The following HIP1 variants were observed in gnomAD, a reference collection of about 807,000 sequenced individuals.
HIP1 encodes huntingtin-interacting protein 1.
HIP1 carries 65 observed loss-of-function variants against 147.6 expected under a neutral mutation model. The observed-to-expected ratio is 0.44, with a 90% CI of 0.36 to 0.54. HIP1 has a LOEUF of 0.54. HIP1 is among the 20% of genes least tolerant of loss of function. The pLI is 0.00. For synonymous variants in HIP1, 479 were observed against 504.0 expected (o/e 0.95, Z 0.67); for missense variants, 1,061 against 1,299.6 (o/e 0.82, Z 2.82).
intron 1 of HIP1, chr7:75,639,086 AC>A (rs1242597943): frequency 1.3e-5 from 13 of 982,140 alleles, no homozygotes; most frequent in South Asian, 4.7e-5. Context: ...GCTGCGGGGC[AC>A]CCCCCCACCC....
intron 1 of HIP1, among the ~76,000 whole-genome samples, chr7:75,612,517 A>G (rs1450367416): frequency 2.6e-5 from 4 of 151,638 alleles, no homozygotes; most frequent in African/African-American, 9.7e-5. Context: ...CACAAAAAAA[A>G]TAAAATAAAG....
At chr7:75,553,671 T>C in intron 21 of HIP1, 82 bp from the exon 22 acceptor site, 2 of 1,331,946 alleles carry the variant, frequency 1.5e-6, no homozygotes, top group Non-Finnish European at 2.1e-6. Flanking sequence ...AGTGGCGCCA[T>C]CTCGGCTCAC....
intron 1 of HIP1, among the ~76,000 whole-genome samples, chr7:75,681,106 C>G (rs1800049694): frequency 6.6e-6 from 1 of 151,814 alleles, no homozygotes; most frequent in African/African-American, 2.4e-5. Context: ...AGAGACAGGG[C>G]TTCACCATGT....
At chr7:75,592,225 A>C in intron 3 of HIP1, 113 bp from the exon 4 acceptor site, 2 of 1,363,704 alleles carry the variant, frequency 1.5e-6, no homozygotes, top group Non-Finnish European at 1.0e-6. Context: ...GGCTGATGGG[A>C]GGGAGACTCA....
At chr7:75,599,290 T>G in intron 1 of HIP1, 43 bp from the exon 2 acceptor site, 9 of 1,460,312 alleles carry the variant, frequency 6.2e-6, no homozygotes, top group African/African-American at 1.4e-5. Context: ...ATGAGATGAA[T>G]AAGCCTCTGA....
chr7:75,560,195 G>T (rs1795174639), intron 13 of HIP1, among the ~76,000 whole-genome samples: 1 of 152,114 alleles, frequency 6.6e-6, no homozygotes, highest in South Asian at 2.1e-4. Flanking sequence ...ACTGTGAGGG[G>T]CGGTTGTTAA....
chr7:75,717,992 A>C (rs1270894185), intron 1 of HIP1, among the ~76,000 whole-genome samples: 2 of 151,530 alleles, frequency 1.3e-5, no homozygotes, highest in African/African-American at 4.8e-5. Context: ...AAAAAAAAGA[A>C]TTAGCTGGGG....
chr7:75,637,536 A>ATTTTT (rs869251770), intron 1 of HIP1, among the ~76,000 whole-genome samples: 10,031 of 70,902 alleles, frequency 0.14, 1,658 homozygotes, highest in Non-Finnish European at 0.2. Context: ...TGCAGAGAGG[A>ATTTTT]TTTTTTTTTT....
At position 75,562,102 on chromosome 7, in the gene HIP1, G is replaced by C. The variant is rs587690865; in HGVS notation, c.1089C>G (p.Asn363Lys). 2.5e-6 allele frequency: 4 copies of C among 1,612,530 alleles called. No individual in the cohort carries two copies. In the African/African-American group the frequency reaches 5.3e-5, roughly 22 times the overall value. Reference protein sequence around the residue: ...SSFSSDPFNFNSQNGVNKDEK... With the variant: ...SSFSSDPFNFKSQNGVNKDEK... ...CATCCTTGTTCACACCATTTTGACT[G>C]TTGAAATTGAAGGGATCACTGCTGA... The change falls in exon 12 of 31, where the codon AAC (asparagine) becomes AAG (lysine). Residue 363 changes from asparagine (N) to lysine (K), a missense_variant. Asn to Lys is a moderately conservative substitution (Grantham distance 94). Coordinates refer to ENST00000336926, the MANE Select transcript of HIP1 (RefSeq NM_005338.7).
At chr7:75,695,687 G>A (rs1800613004) in intron 1 of HIP1, among the ~76,000 whole-genome samples, 1 of 151,978 alleles carries the variant, frequency 6.6e-6, no homozygotes, top group Non-Finnish European at 1.5e-5. Flanking sequence ...CGATTTTCCT[G>A]CCTCAGCCTC....
In HIP1 at chr7:75,721,528, C is replaced by CA. The variant is rs147571067; in HGVS notation, c.120+17272dup. On this transcript the variant is annotated intron_variant, in intron 1 of 30. Coordinates refer to ENST00000336926, the MANE Select transcript of HIP1 (RefSeq NM_005338.7). Reference sequence around the variant, plus strand: ...TGGGTGACACAGCAAGACCCTGTCTCAAAAAAAAAAAAAAAGTTTTTCTGG... The same window carrying CA: ...TGGGTGACACAGCAAGACCCTGTCTCAAAAAAAAAAAAAAAAGTTTTTCTGG... 3.7e-3 allele frequency among the ~76,000 whole-genome samples: 439 copies of CA among 120,270 alleles called. 1 individual carries two copies. Among genetic ancestry groups the CA allele is most frequent in the African/African-American group, 9.4e-3 (306 of 32,428 alleles). The allele number at this position is 120,270 out of a possible 152,430, so 78.9% of individuals were successfully genotyped here. A position where few individuals can be genotyped will look rare whatever the true frequency, so the allele number is the denominator to read the frequency against.
At chr7:75,706,114 C>T (rs886585721) in intron 1 of HIP1, among the ~76,000 whole-genome samples, 23 of 152,014 alleles carry the variant, frequency 1.5e-4, no homozygotes, top group African/African-American at 5.3e-4. Flanking sequence ...AGGCTGGTCT[C>T]GAACTCCTGA....
At chr7:75,721,126 C>T (rs1554521277) in intron 1 of HIP1, among the ~76,000 whole-genome samples, 1 of 151,860 alleles carries the variant, frequency 6.6e-6, no homozygotes, top group Non-Finnish European at 1.5e-5. Context: ...CCTGTAATCC[C>T]AGCACTTTGG....
chr7:75,665,351 T>A (rs1216449415), intron 1 of HIP1, among the ~76,000 whole-genome samples: 1 of 151,978 alleles, frequency 6.6e-6, no homozygotes, highest in Non-Finnish European at 1.5e-5. Context: ...ATTTTCTGTG[T>A]GAAATTAGGA....
At chr7:75,553,852 C>G (rs184691703) in intron 21 of HIP1, among the ~76,000 whole-genome samples, 1 of 152,170 alleles carries the variant, frequency 6.6e-6, no homozygotes, top group Admixed American at 6.5e-5. Context: ...GATCTGCCCA[C>G]CTCGTCCTCC....
chr7:75,546,960 T>C lies in HIP1; in HGVS notation c.2538A>G (p.Arg846=), dbSNP rs1554491153. The change falls in exon 25 of 31, where the codon AGA becomes AGG. Residue 846 remains arginine (R), a synonymous_variant. Transcript: ENST00000336926. Reference sequence around the variant, plus strand: ...TCACCCTGCCGCTCTCCACAATCTCTCTCTGGAGGTCCTTAGAGGCCACGA... The same window carrying C: ...TCACCCTGCCGCTCTCCACAATCTCCCTCTGGAGGTCCTTAGAGGCCACGA... ...VLIVASKDLQ[R]EIVESGRGTA... 2.1e-5 allele frequency: 33 copies of C among 1,576,912 alleles called. No homozygotes were observed. The highest frequency in any genetic ancestry group is 2.8e-5 in the Non-Finnish European group (32 of 1,160,026).
chr7:75,725,782 T>C (rs560955431), intron 1 of HIP1, among the ~76,000 whole-genome samples: 1 of 152,130 alleles, frequency 6.6e-6, no homozygotes. Flanking sequence ...AAAATATGAT[T>C]ATGAATATTC....
intron 19 of HIP1, among the ~76,000 whole-genome samples, chr7:75,554,961 T>G (rs939190273): frequency 6.6e-6 from 1 of 151,880 alleles, no homozygotes; most frequent in Non-Finnish European, 1.5e-5. Flanking sequence ...ATCCCAGCAC[T>G]TTGGGAGGCC....
At chr7:75,738,548 A>G (rs1285047617) in intron 1 of HIP1, among the ~76,000 whole-genome samples, 6 of 151,980 alleles carry the variant, frequency 3.9e-5, no homozygotes, top group African/African-American at 1.5e-4. Flanking sequence ...CCAGCCGATC[A>G]GGCTCCTCTT....
Sources: allele counts gnomAD v4.1 joint callset (sites outside exome capture counted in the v4.1 genomes callset), GRCh38; gene constraint gnomAD v4.1.1; transcripts MANE v1.5; gene names NCBI Gene and HGNC (gene_info 2026-07-23, HGNC 2026-07-21).